The following ITGA9 variants were observed in gnomAD, a reference collection of about 807,000 sequenced individuals.
The protein encoded by ITGA9 is integrin subunit alpha 9, also known as integrin alpha-9.
A neutral mutation model predicts 127.8 loss-of-function variants in ITGA9; 56 were observed. The ratio of observed to expected loss-of-function variants is 0.44; its 90% CI spans 0.35 to 0.55. The LOEUF (loss-of-function observed/expected upper bound fraction) is 0.55, where lower values mean the gene tolerates loss of function less well. Among genes scored for constraint, ITGA9 ranks in the 20% least tolerant of loss-of-function variants. ITGA9 has a pLI of 0.00. For synonymous variants in ITGA9, 508 were observed against 514.5 expected, an observed-to-expected ratio of 0.99 and a Z score of 0.17; for missense variants, 1,196 against 1,347.1, an observed-to-expected ratio of 0.89 and a Z score of 1.76.
chr3:37,691,959 G>A (rs960949569), intron 18 of ITGA9, among the ~76,000 whole-genome samples: 1 of 152,232 alleles, frequency 6.6e-6, no homozygotes, highest in African/African-American at 2.4e-5. Flanking sequence ...GCTGCTAGAA[G>A]TAAAATAACA....
chr3:37,617,991 T>C (rs1230573314), intron 15 of ITGA9, among the ~76,000 whole-genome samples: 1 of 152,244 alleles, frequency 6.6e-6, no homozygotes, highest in East Asian at 1.9e-4. Flanking sequence ...CCAGCTTTGT[T>C]CCGTTGCTGG....
intron 17 of ITGA9, among the ~76,000 whole-genome samples, chr3:37,663,149 T>C (rs986118978): frequency 2.6e-5 from 4 of 152,210 alleles, no homozygotes; most frequent in Non-Finnish European, 5.9e-5. Flanking sequence ...ATGAAACTTG[T>C]TTAAAAGTTT....
At chr3:37,466,872 A>G (rs933097976) in intron 1 of ITGA9, among the ~76,000 whole-genome samples, 1 of 152,206 alleles carries the variant, frequency 6.6e-6, no homozygotes, top group Non-Finnish European at 1.5e-5. Context: ...ACCATAGCAG[A>G]AAGGAACATA....
At chr3:37,514,679 C>A (rs1439834036) in intron 9 of ITGA9, among the ~76,000 whole-genome samples, 1 of 152,226 alleles carries the variant, frequency 6.6e-6, no homozygotes, top group Non-Finnish European at 1.5e-5. Flanking sequence ...AAACTCTTCT[C>A]CTGCCTCAGC....
chr3:37,714,645 G>T (rs750216357), intron 18 of ITGA9, among the ~76,000 whole-genome samples: 1 of 152,170 alleles, frequency 6.6e-6, no homozygotes, highest in Admixed American at 6.5e-5. Flanking sequence ...CACTCAAAGC[G>T]TGGTCTCCTG....
At chr3:37,773,852 T>C (rs1696873293) in intron 23 of ITGA9, among the ~76,000 whole-genome samples, 1 of 152,240 alleles carries the variant, frequency 6.6e-6, no homozygotes, top group South Asian at 2.1e-4. Flanking sequence ...ACTATCTGTG[T>C]ATAATGTTTA....
intron 15 of ITGA9, among the ~76,000 whole-genome samples, chr3:37,614,953 T>C (rs1438312088): frequency 3.3e-5 from 5 of 152,194 alleles, no homozygotes; most frequent in Non-Finnish European, 7.3e-5. Flanking sequence ...TGAATACCCT[T>C]TATTTCCTTC....
chr3:37,787,024 C>T (rs1350204091), intron 26 of ITGA9, among the ~76,000 whole-genome samples: 1 of 152,306 alleles, frequency 6.6e-6, no homozygotes, highest in East Asian at 1.9e-4. Context: ...GTTTTTCTGG[C>T]AGGTCAGATA....
chr3:37,741,848 A>T, intron 21 of ITGA9, 29 bp downstream of exon 21: 1 of 1,554,258 alleles, frequency 6.4e-7, no homozygotes, highest in Non-Finnish European at 8.9e-7. Flanking sequence ...GGTTGCCACA[A>T]CACAGGAGTG....
chr3:37,720,236 C>A (rs1456183040), intron 18 of ITGA9, among the ~76,000 whole-genome samples: 1 of 152,170 alleles, frequency 6.6e-6, no homozygotes, highest in Non-Finnish European at 1.5e-5. Flanking sequence ...AACTCTTCAC[C>A]ATGAGTACAT....
rs184904360 is a variant in ITGA9, at chr3:37,713,599, G to A, written c.2068-19113G>A. 1.6e-4 allele frequency among the ~76,000 whole-genome samples: 24 copies of A among 152,324 alleles called. No homozygotes were observed. The East Asian group carries it at 3.9e-3, about 24-fold the overall frequency. ...CTGGTTGGAGCTGGGGAGGGGGTGCGGGAGGTACTTTCAGCACTCCCTCGT... is the reference window on the plus strand; with the variant it reads ...CTGGTTGGAGCTGGGGAGGGGGTGCAGGAGGTACTTTCAGCACTCCCTCGT... On this transcript the variant is annotated intron_variant, in intron 18 of 27. Transcript: ENST00000264741.
At chr3:37,748,336 A>G in intron 22 of ITGA9, 1 of 593,636 alleles carries the variant, frequency 1.7e-6, no homozygotes, top group South Asian at 1.4e-5. Context: ...TGGCATTGTT[A>G]TAAACACACA....
At chr3:37,515,689 T>TC (rs1698977530) in intron 9 of ITGA9, among the ~76,000 whole-genome samples, 6 of 152,180 alleles carry the variant, frequency 3.9e-5, no homozygotes, top group Non-Finnish European at 7.3e-5. Flanking sequence ...TGAGCCGTGA[T>TC]CATGCCACTG....
chr3:37,542,876 A>G (rs1035709196), intron 15 of ITGA9, among the ~76,000 whole-genome samples: 5 of 151,458 alleles, frequency 3.3e-5, no homozygotes, highest in African/African-American at 1.2e-4. Context: ...TCTCCCCTCT[A>G]TGAGGCTTGG....
chr3:37,595,113 T>TTTTTG (rs1699856947), intron 15 of ITGA9, among the ~76,000 whole-genome samples: 1 of 151,092 alleles, frequency 6.6e-6, no homozygotes, highest in African/African-American at 2.5e-5. Flanking sequence ...TTTTGTTTTT[T>TTTTTG]TTTGACTTTG....
Position 37,764,466 on chromosome 3 carries a change from TA to T in ITGA9, c.2542-12901del, listed in dbSNP as rs10694316. On this transcript the variant is annotated intron_variant, in intron 23 of 27. Transcript: ENST00000264741. Reference sequence around the variant, plus strand: ...CTCAGAAACACTCCGAGATTCTCAGTAAAAAAAAAAAAAAAAAAAAAAAAAT... The same window carrying T: ...CTCAGAAACACTCCGAGATTCTCAGTAAAAAAAAAAAAAAAAAAAAAAAAT... Among the ~76,000 whole-genome samples the T allele has an allele frequency of 2.8e-4, 21 of 74,668 alleles. 1 individual carries two copies. Among genetic ancestry groups the T allele is most frequent in the African/African-American group, 1.1e-3 (21 of 18,700 alleles). The allele number at this position is 74,668 out of a possible 152,430, so 49.0% of individuals were successfully genotyped here.
At chr3:37,807,282 T>C (rs1697310362) in intron 27 of ITGA9, 1 of 152,238 alleles carries the variant, frequency 6.6e-6, no homozygotes. Flanking sequence ...GGAAAATGTT[T>C]AGCACTGCGC....
intron 7 of ITGA9, among the ~76,000 whole-genome samples, chr3:37,508,308 T>TG (rs1698866066): frequency 6.6e-6 from 1 of 152,234 alleles, no homozygotes; most frequent in African/African-American, 2.4e-5. Context: ...TTGGGTCTTA[T>TG]TGTGTGTGGC....
Position 37,587,049 on chromosome 3 carries a change from A to ATTTTGGGG in ITGA9, c.1690-42138_1690-42137insTTTTGGGG, listed in dbSNP as rs1575158717. Among the ~76,000 whole-genome samples the ATTTTGGGG allele has an allele frequency of 1.1e-4, 16 of 152,334 alleles. 1 individual carries two copies. The East Asian group carries it at 3.1e-3, about 29-fold the overall frequency. On this transcript the variant is annotated intron_variant, in intron 15 of 27. Transcript: ENST00000264741. ...TCATTTTTGGGGATGCCTTGGGTTG[A>ATTTTGGGG]AGCTGATTTTTCAGCATCCCTGGTT...
Sources: allele counts gnomAD v4.1 joint callset (sites outside exome capture counted in the v4.1 genomes callset), GRCh38; gene constraint gnomAD v4.1.1; transcripts MANE v1.5; gene names NCBI Gene and HGNC (gene_info 2026-07-23, HGNC 2026-07-21).